The following SAFB2 variants were observed in gnomAD, a reference collection of about 807,000 sequenced individuals.
SAFB2 encodes scaffold attachment factor B2.
SAFB2 carries 32 observed loss-of-function variants against 100.6 expected under a neutral mutation model. The ratio of observed to expected loss-of-function variants is 0.32; its 90% confidence interval spans 0.24 to 0.43. The LOEUF (loss-of-function observed/expected upper bound fraction) is 0.43, where lower values mean the gene tolerates loss of function less well. Among genes scored for constraint, SAFB2 ranks in the 20% least tolerant of loss-of-function variants. SAFB2 has a pLI of 1.00. For synonymous variants in SAFB2, 500 were observed against 439.4 expected (o/e 1.14, Z -1.72); for missense variants, 1,185 against 1,163.4 (o/e 1.02, Z -0.27).
chr19:5,619,948 A>G (rs1227702606), intron 2 of SAFB2, among the ~76,000 whole-genome samples: 1 of 152,234 alleles, frequency 6.6e-6, no homozygotes, highest in Non-Finnish European at 1.5e-5. Context: ...CCTACATAAA[A>G]AACTTTTAAA....
chr19:5,603,294 TA>T (rs774021616), intron 11 of SAFB2, among the ~76,000 whole-genome samples: 14 of 152,228 alleles, frequency 9.2e-5, no homozygotes, highest in Non-Finnish European at 1.9e-4. Flanking sequence ...TAATTCCAAT[TA>T]AAAATAATAA....
At chr19:5,618,776 AGGCGACGCCCCAATCCCC>A (rs1156953066) in intron 2 of SAFB2, among the ~76,000 whole-genome samples, 1 of 152,264 alleles carries the variant, frequency 6.6e-6, no homozygotes, top group Non-Finnish European at 1.5e-5. Flanking sequence ...TGGCGCAGAC[AGGCGACGCCCCAATCCCC>A]GGCACCTGGC....
At chr19:5,606,753 T>C (rs1281890733) in intron 9 of SAFB2, among the ~76,000 whole-genome samples, 2 of 152,132 alleles carry the variant, frequency 1.3e-5, no homozygotes, top group South Asian at 4.1e-4. Context: ...CCAGTGAAAA[T>C]TTATTTCAAA....
At chr19:5,598,704 A>G in intron 13 of SAFB2, 89 bp downstream of exon 13, 2 of 1,233,206 alleles carry the variant, frequency 1.6e-6, no homozygotes, top group Admixed American at 1.8e-5. Flanking sequence ...TTAAAGGCAA[A>G]ACAGTGCTGT....
In SAFB2 at chr19:5,591,791, C is replaced by T. The variant is rs772257314; in HGVS notation, c.2351G>A (p.Arg784Gln). 1.1e-5 allele frequency: 18 copies of T among 1,613,916 alleles called. No individual in the cohort carries two copies. The highest frequency in any genetic ancestry group is 6.7e-5 in the East Asian group (3 of 44,884). Reference protein sequence around the residue: ...GQYQDHAIDRREGSRPMMGDH... With the variant: ...GQYQDHAIDRQEGSRPMMGDH... ...TCCCATCATTGGCCTCGAACCCTCC[C>T]GCCTGCAAAAGGAAAAGATCCCGTT... is the stretch of plus-strand genomic sequence containing the variant. Residue 784 changes from arginine (R) to glutamine (Q), a missense_variant and splice_region_variant, in exon 17 of 21, where the codon CGG becomes CAG. By Grantham distance (43) the Arg-to-Gln change is conservative. Around this residue, in one of 3 missense-constraint regions of SAFB2, gnomAD observed 740 missense variants for 687.1 expected, o/e 1.08. Coordinates refer to ENST00000252542, the MANE Select transcript of SAFB2 (RefSeq NM_014649.3).
At chr19:5,605,040 C>T in intron 9 of SAFB2, 104 bp from the exon 10 acceptor site, 1 of 1,320,656 alleles carries the variant, frequency 7.6e-7, no homozygotes. Flanking sequence ...GTCACCTCTC[C>T]CCATATGGTA....
chr19:5,603,687 G>A (rs1284606787), intron 11 of SAFB2, among the ~76,000 whole-genome samples: 4 of 151,806 alleles, frequency 2.6e-5, no homozygotes, highest in African/African-American at 9.7e-5. Context: ...GAACTCACAG[G>A]GTGCCACCGT....
Position 5,610,657 on chromosome 19 carries a change from T to C in SAFB2, c.1177A>G (p.Ile393Val), listed in dbSNP as rs773583608. Reference protein sequence around the residue: ...SFKEEKDIKPIIKDEKGRVGS... With the variant: ...SFKEEKDIKPVIKDEKGRVGS... ...ATCATACCTTTTTCATCTTTAATGATTGGCTTTATATCTTTTTCTTCCTTA... is the reference window on the plus strand; with the variant it reads ...ATCATACCTTTTTCATCTTTAATGACTGGCTTTATATCTTTTTCTTCCTTA... Residue 393 changes from isoleucine (I) to valine (V), a missense_variant, in exon 8 of 21, where the codon ATC (isoleucine) becomes GTC (valine). Transcript: ENST00000252542. The C allele has an allele frequency of 2.6e-5, 41 of 1,572,298 alleles. No individual in the cohort carries two copies. In the East Asian group the frequency reaches 4.7e-4, roughly 18 times the overall value.
rs369056471 is a variant in SAFB2, at chr19:5,595,323, G to A, written c.1919+38C>T. On this transcript the variant is annotated intron_variant, in intron 14 of 20. Coordinates refer to ENST00000252542, the MANE Select transcript of SAFB2 (RefSeq NM_014649.3). ...GGGAGAAGGACAGCCACCCCGAGAG[G>A]AAACCACCAGCCCACAGCCTCACCC... The A allele has an allele frequency of 2.4e-5, 38 of 1,593,242 alleles. No individual in the cohort carries two copies. The African/African-American group carries it at 4.5e-4, about 19-fold the overall frequency.
At chr19:5,591,971 C>T (rs1029968969) in intron 16 of SAFB2, among the ~76,000 whole-genome samples, 178 bp from the exon 17 acceptor site, 1 of 152,146 alleles carries the variant, frequency 6.6e-6, no homozygotes, top group African/African-American at 2.4e-5. Flanking sequence ...GGGGCAGAAA[C>T]GAAGTTGGAT....
chr19:5,605,121 T>C (rs193136066), intron 9 of SAFB2, among the ~76,000 whole-genome samples, 185 bp from the exon 10 acceptor site: 1 of 152,290 alleles, frequency 6.6e-6, no homozygotes, highest in Admixed American at 6.5e-5. Context: ...CTTTTTTTTT[T>C]TTTGAGACAG....
At position 5,587,277 on chromosome 19, in the gene SAFB2, G is replaced by T. The variant is rs56708650; in HGVS notation, c.2828C>A (p.Pro943His). The T allele has an allele frequency of 6.8e-6, 11 of 1,613,334 alleles. No homozygotes were observed. The highest frequency in any genetic ancestry group is 6.6e-5 in the South Asian group (6 of 91,014). ...GSRVPHPHPH[P>H]PPYPHFTRRY The stretch of plus-strand genomic sequence containing the variant: ...GCGGGTGAAGTGGGGGTACGGGGGG[G>T]GATGAGGGTGTGGGTGAGGGACTCT... Residue 943 changes from proline to histidine, a missense_variant, in exon 21 of 21, where the codon CCC (proline) becomes CAC (histidine). By Grantham distance (77) the Pro-to-His change is moderately conservative. This residue lies in a region of SAFB2 where 740 missense variants were observed against 687.1 expected (regional missense o/e 1.08). Transcript: ENST00000252542. This position sits in a 1 kb window ranked among gnomAD's most constrained non-coding sequence, Gnocchi z 4.9.
chr19:5,597,024 C>T (rs1957087636), intron 13 of SAFB2, among the ~76,000 whole-genome samples: 1 of 152,120 alleles, frequency 6.6e-6, no homozygotes, highest in Non-Finnish European at 1.5e-5. Flanking sequence ...ACACATCACC[C>T]AGCACTTTGA....
chr19:5,610,985 G>A, intron 7 of SAFB2, 135 bp downstream of exon 7: 4 of 543,280 alleles, frequency 7.4e-6, no homozygotes, highest in East Asian at 6.4e-5. Flanking sequence ...AAAGAGAAAC[G>A]AAACATTCTT....
chr19:5,620,686 C>G (rs1262465515), intron 2 of SAFB2, among the ~76,000 whole-genome samples: 9 of 152,220 alleles, frequency 5.9e-5, no homozygotes, highest in Non-Finnish European at 1.5e-5. Context: ...AGTAAGGCGA[C>G]TAACTTCTAA....
In SAFB2 at chr19:5,600,273, A is replaced by G. The variant is rs375167757; in HGVS notation, c.1560-13T>C. 1.9e-4 allele frequency: 305 copies of G among 1,610,136 alleles called. 2 individuals are homozygous for G. The highest frequency in any genetic ancestry group is 1.7e-3 in the Middle Eastern group (10 of 6,042). On this transcript the variant is annotated splice_polypyrimidine_tract_variant and intron_variant, in intron 11 of 20. Coordinates refer to ENST00000252542, the MANE Select transcript of SAFB2 (RefSeq NM_014649.3). ...CTTAATTACAGTTCTATTTAAAGAC[A>G]TGGTTATCAAATTTGAGTTCACAAG...
chr19:5,603,930 A>G (rs1439486563), intron 11 of SAFB2, among the ~76,000 whole-genome samples: 1 of 152,242 alleles, frequency 6.6e-6, no homozygotes, highest in African/African-American at 2.4e-5. Context: ...ATGAAAATCA[A>G]CGTGGATGAG....
At chr19:5,589,954 G>C (rs2052353801) in intron 18 of SAFB2, among the ~76,000 whole-genome samples, 1 of 152,172 alleles carries the variant, frequency 6.6e-6, no homozygotes, top group Non-Finnish European at 1.5e-5. Context: ...GGACGGGGCA[G>C]GACTAAGAGC....
chr19:5,589,075 G>A (rs1231122948), intron 18 of SAFB2: 2 of 152,212 alleles, frequency 1.3e-5, no homozygotes, highest in African/African-American at 4.8e-5. Flanking sequence ...GGCCCGAGAG[G>A]GGCCACCAGA....
Sources: allele counts gnomAD v4.1 joint callset (sites outside exome capture counted in the v4.1 genomes callset), GRCh38; gene constraint gnomAD v4.1.1; regional missense constraint gnomAD v4.1.1; non-coding constraint Gnocchi (gnomAD v3.1); transcripts MANE v1.5; gene names NCBI Gene and HGNC (gene_info 2026-07-23, HGNC 2026-07-21).